GMDS: variants seen among roughly 807,000 people sequenced by gnomAD.
The protein encoded by GMDS is GDP-mannose 4,6 dehydratase.
GMDS carries 20 observed loss-of-function variants against 49.9 expected under a neutral mutation model. The observed-to-expected ratio is 0.40, with a 90% confidence interval of 0.28 to 0.58. The LOEUF (loss-of-function observed/expected upper bound fraction) is 0.58. GMDS is among the 20% of genes least tolerant of loss of function. The pLI is 0.42. For synonymous variants in GMDS, 177 were observed against 178.6 expected, an observed-to-expected ratio of 0.99 and a Z score of 0.07; for missense variants, 362 against 481.4, an observed-to-expected ratio of 0.75 and a Z score of 2.32.
intron 1 of GMDS, among the ~76,000 whole-genome samples, chr6:2,140,152 G>A (rs1480034141): frequency 1.3e-5 from 2 of 152,274 alleles, no homozygotes; most frequent in East Asian, 1.9e-4. Context: ...TAAGGACCTT[G>A]CGTTGGGGAG....
chr6:2,237,590 C>T (rs1781422218), intron 1 of GMDS, among the ~76,000 whole-genome samples: 1 of 144,280 alleles, frequency 6.9e-6, no homozygotes, highest in African/African-American at 2.6e-5. Context: ...GGTATGATCT[C>T]GGCTCACTGC....
At chr6:2,182,957 C>T (rs1254857608) in intron 1 of GMDS, among the ~76,000 whole-genome samples, 1 of 152,174 alleles carries the variant, frequency 6.6e-6, no homozygotes, top group South Asian at 2.1e-4. Context: ...ATCTGCCTGC[C>T]TCAGCCTCCC....
intron 1 of GMDS, among the ~76,000 whole-genome samples, chr6:2,169,765 A>G (rs146758836): frequency 1.3e-5 from 2 of 152,352 alleles, no homozygotes; most frequent in African/African-American, 2.4e-5. Flanking sequence ...CACAACTCCT[A>G]CAGCAGAACA....
chr6:1,664,500 G>A (rs1177809959), intron 9 of GMDS, among the ~76,000 whole-genome samples: 1 of 152,208 alleles, frequency 6.6e-6, no homozygotes, highest in East Asian at 1.9e-4. Flanking sequence ...AGATGAATGA[G>A]TGTCCTGTTC....
At chr6:1,631,733 T>C (rs1763009233) in intron 9 of GMDS, among the ~76,000 whole-genome samples, 1 of 151,788 alleles carries the variant, frequency 6.6e-6, no homozygotes, top group South Asian at 2.1e-4. Flanking sequence ...CTATCAAACA[T>C]ATACCCACAG....
intron 1 of GMDS, among the ~76,000 whole-genome samples, chr6:2,155,847 C>A (rs1196985830): frequency 6.6e-6 from 1 of 152,014 alleles, no homozygotes; most frequent in Non-Finnish European, 1.5e-5. Context: ...TGAAGATTTC[C>A]CAAATGCGAA....
At chr6:2,224,270 T>G (rs1317436620) in intron 1 of GMDS, among the ~76,000 whole-genome samples, 6 of 152,208 alleles carry the variant, frequency 3.9e-5, no homozygotes, top group Non-Finnish European at 8.8e-5. Context: ...GACAGCCCGT[T>G]GTGGAACCCT....
At chr6:2,187,588 G>A (rs1213659719) in intron 1 of GMDS, among the ~76,000 whole-genome samples, 2 of 152,200 alleles carry the variant, frequency 1.3e-5, no homozygotes, top group African/African-American at 4.8e-5. Flanking sequence ...TCCTATGAGA[G>A]TGGTGCCACC....
At chr6:1,974,089 T>C (rs187565650) in intron 4 of GMDS, among the ~76,000 whole-genome samples, 286 of 152,206 alleles carry the variant, frequency 1.9e-3, no homozygotes, top group Admixed American at 2.4e-3. Context: ...CTCACCTCGA[T>C]TTCTCTTGAC....
chr6:1,806,358 C>A (rs1274006732), intron 7 of GMDS, among the ~76,000 whole-genome samples: 1 of 151,776 alleles, frequency 6.6e-6, no homozygotes, highest in Non-Finnish European at 1.5e-5. Context: ...TTTATGCTGT[C>A]AATGTAATTC....
chr6:1,647,940 T>G (rs760407556), intron 9 of GMDS, among the ~76,000 whole-genome samples: 7 of 152,192 alleles, frequency 4.6e-5, no homozygotes, highest in Non-Finnish European at 7.3e-5. Context: ...ACAGCTGTTC[T>G]CATCTCAGGG....
intron 7 of GMDS, among the ~76,000 whole-genome samples, chr6:1,817,340 A>G (rs1472767307): frequency 6.6e-6 from 1 of 152,178 alleles, no homozygotes; most frequent in African/African-American, 2.4e-5. Flanking sequence ...CAACAAAAGA[A>G]CTATTCTTCC....
At chr6:2,206,166 G>A (rs1779798055) in intron 1 of GMDS, among the ~76,000 whole-genome samples, 1 of 152,072 alleles carries the variant, frequency 6.6e-6, no homozygotes, top group Non-Finnish European at 1.5e-5. Flanking sequence ...GCTGAGGCAG[G>A]AGAATCGCTT....
chr6:2,068,713 T>C (rs1771781414), intron 4 of GMDS, among the ~76,000 whole-genome samples: 1 of 152,120 alleles, frequency 6.6e-6, no homozygotes, highest in Non-Finnish European at 1.5e-5. Flanking sequence ...TTACAAGGGA[T>C]GTGAAGGACC....
chr6:1,628,338 C>T (rs1398848471), intron 9 of GMDS, among the ~76,000 whole-genome samples: 1 of 152,214 alleles, frequency 6.6e-6, no homozygotes. Flanking sequence ...GATAACAACG[C>T]AGCTTTAAAA....
At chr6:1,995,189 C>T (rs1766202557) in intron 4 of GMDS, among the ~76,000 whole-genome samples, 1 of 152,108 alleles carries the variant, frequency 6.6e-6, no homozygotes, top group Non-Finnish European at 1.5e-5. Flanking sequence ...ACACGGCTCA[C>T]CATGTAATTG....
At chr6:2,193,042 G>T (rs539750007) in intron 1 of GMDS, among the ~76,000 whole-genome samples, 1 of 152,194 alleles carries the variant, frequency 6.6e-6, no homozygotes, top group Non-Finnish European at 1.5e-5. Flanking sequence ...CCTAAGGAGG[G>T]TTTTGGGAAT....
At chr6:2,101,968 G>T (rs1483988923) in intron 4 of GMDS, among the ~76,000 whole-genome samples, 1 of 152,078 alleles carries the variant, frequency 6.6e-6, no homozygotes, top group Admixed American at 6.5e-5. Flanking sequence ...GTGCGCTCTA[G>T]TTTATTAATC....
At chr6:1,864,208 T>G (rs1015654685) in intron 7 of GMDS, among the ~76,000 whole-genome samples, 2 of 152,210 alleles carry the variant, frequency 1.3e-5, no homozygotes, top group East Asian at 3.8e-4. Flanking sequence ...TAATCTTTTA[T>G]AGCAGAGATT....
Sources: allele counts gnomAD v4.1 joint callset (sites outside exome capture counted in the v4.1 genomes callset), GRCh38; gene constraint gnomAD v4.1.1; transcripts MANE v1.5; gene names NCBI Gene and HGNC (gene_info 2026-07-23, HGNC 2026-07-21).